IPPK: variants seen among roughly 807,000 people sequenced by gnomAD.
IPPK encodes the protein IPK1 homolog.
IPPK carries 22 observed loss-of-function variants against 64.6 expected under a neutral mutation model. That is an observed-to-expected ratio of 0.34 (90% CI 0.24 to 0.49). IPPK has a LOEUF of 0.49. IPPK is among the 20% of genes least tolerant of loss of function. The pLI, the probability that IPPK is intolerant of heterozygous loss-of-function variation, is 0.99. For synonymous variants in IPPK, 262 were observed against 247.2 expected (o/e 1.06, Z -0.56); for missense variants, 532 against 630.7 (o/e 0.84, Z 1.68).
intron 11 of IPPK, 97 bp downstream of exon 11, chr9:92,634,289 G>C (rs1017004287): frequency 1.3e-6 from 1 of 786,042 alleles, no homozygotes; most frequent in South Asian, 1.6e-5. Context: ...TAAACCTCAG[G>C]GGTAGGTAAT....
In IPPK at chr9:92,670,016, G is replaced by A; in HGVS notation, c.-28C>T. On this transcript the variant is annotated 5_prime_UTR_variant, in exon 1 of 13. Transcript: ENST00000287996. ...CCAGGCGCAGCCCTGGCGCCTCGCG[G>A]GCTAGGACTCGGGGACGCGAGCTGG... 3.8e-6 allele frequency: 6 copies of A among 1,563,140 alleles called. No individual in the cohort carries two copies. Among genetic ancestry groups the A allele is most frequent in the Non-Finnish European group, 5.2e-6 (6 of 1,145,634 alleles).
At chr9:92,634,632 G>A (rs879088322) in intron 10 of IPPK, 144 bp from the exon 11 acceptor site, 2 of 638,948 alleles carry the variant, frequency 3.1e-6, no homozygotes, top group Non-Finnish European at 5.6e-6. Context: ...TCTCCCTCAT[G>A]TTAAACATCA....
rs567925685 is a variant in IPPK at position 92,630,390 on chromosome 9, C to G, written c.1170+3996G>C. Among the ~76,000 whole-genome samples, 8 of 152,242 alleles carry G rather than the reference C, an allele frequency of 5.3e-5. 1 individual carries two copies. In the South Asian group the frequency reaches 1.5e-3, roughly 28 times the overall value. On this transcript the variant is annotated intron_variant, in intron 11 of 12. Coordinates refer to ENST00000287996, the MANE Select transcript of IPPK (RefSeq NM_022755.6). ...CCTAAGGCTGGGGGTCATGGGGAGACAATGGGACGATAGCTAAAGGGTACA... is the reference window on the plus strand; with the variant it reads ...CCTAAGGCTGGGGGTCATGGGGAGAGAATGGGACGATAGCTAAAGGGTACA...
At chr9:92,625,148 T>C (rs1851711938) in intron 11 of IPPK, among the ~76,000 whole-genome samples, 1 of 152,208 alleles carries the variant, frequency 6.6e-6, no homozygotes, top group South Asian at 2.1e-4. Flanking sequence ...GGGTTGTATA[T>C]TTTTTTCTGT....
chr9:92,613,200 A>G lies in IPPK; in HGVS notation c.*2632T>C. Reference sequence around the variant, plus strand: ...GAAGATGCTGCGTGGAGGAACATGCAATTTTATTCAATATAAACATTTGCT... The same window carrying G: ...GAAGATGCTGCGTGGAGGAACATGCGATTTTATTCAATATAAACATTTGCT... On this transcript the variant is annotated 3_prime_UTR_variant, in exon 13 of 13. Coordinates refer to ENST00000287996, the MANE Select transcript of IPPK (RefSeq NM_022755.6). 1.2e-6 allele frequency: 2 copies of G among 1,609,020 alleles called. No individual in the cohort carries two copies. Among genetic ancestry groups the G allele is most frequent in the Non-Finnish European group, 1.7e-6 (2 of 1,175,774 alleles).
At chr9:92,645,330 T>C (rs1852130069) in intron 6 of IPPK, among the ~76,000 whole-genome samples, 1 of 151,904 alleles carries the variant, frequency 6.6e-6, no homozygotes, top group African/African-American at 2.4e-5. Context: ...GAGTCAAGGC[T>C]GCAGTGAGTC....
At position 92,635,469 on chromosome 9, in the gene IPPK, A is replaced by G; in HGVS notation, c.917-161T>C. ...TGGACTGGCACTAAGGACAGACGAG[A>G]TGACGCTCCCGCCTCACAGAGCTGC... On this transcript the variant is annotated intron_variant, in intron 9 of 12. Transcript: ENST00000287996. This position sits in a 1 kb window ranked among gnomAD's most constrained non-coding sequence, Gnocchi z 4.4. 1 of 711,792 alleles carries G rather than the reference A, an allele frequency of 1.4e-6. No individual in the cohort carries two copies. Among genetic ancestry groups the G allele is most frequent in the South Asian group, 2.2e-5 (1 of 44,764 alleles). The allele number at this position is 711,792 out of a possible 1,614,324, so 44.1% of individuals were successfully genotyped here.
chr9:92,645,304 A>G (rs1038766044), intron 6 of IPPK, among the ~76,000 whole-genome samples: 1 of 152,168 alleles, frequency 6.6e-6, no homozygotes, highest in Non-Finnish European at 1.5e-5. Context: ...AAGCAGGAAG[A>G]TGGCTTGAGT....
At chr9:92,625,578 G>A (rs331376) in intron 11 of IPPK, among the ~76,000 whole-genome samples, 151,817 of 152,306 alleles carry the variant, frequency 1, 75,666 homozygotes, top group Middle Eastern at 1. Context: ...CTTTTAACGT[G>A]TTGTTGGGCT....
intron 11 of IPPK, among the ~76,000 whole-genome samples, chr9:92,621,706 G>A (rs1287833163): frequency 2.6e-5 from 4 of 151,746 alleles, no homozygotes; most frequent in African/African-American, 4.8e-5. Context: ...TATTAGAGAC[G>A]AGGTCTCGCT....
chr9:92,649,160 C>T (rs1852206826), intron 5 of IPPK, among the ~76,000 whole-genome samples: 1 of 152,218 alleles, frequency 6.6e-6, no homozygotes, highest in Non-Finnish European at 1.5e-5. Context: ...CAACGCGCTT[C>T]CCTCTGGTGA....
intron 1 of IPPK, among the ~76,000 whole-genome samples, chr9:92,663,416 T>C (rs1852527948): frequency 1.3e-5 from 2 of 152,178 alleles, no homozygotes; most frequent in Non-Finnish European, 2.9e-5. Context: ...CACCTAACAA[T>C]GCAGCTCTCA....
At position 92,620,992 on chromosome 9, in the gene IPPK, G is replaced by A. The variant is rs539851647; in HGVS notation, c.1171-1427C>T. 1.8e-4 allele frequency among the ~76,000 whole-genome samples: 27 copies of A among 152,296 alleles called. 1 individual carries two copies. The East Asian group carries it at 5.0e-3, about 28-fold the overall frequency. ...AGAGGCTGGGATGTCCAAGACCAGG[G>A]CGCCAGCAGATCTGCTATCTGGCGA... On this transcript the variant is annotated intron_variant, in intron 11 of 12. Coordinates refer to ENST00000287996, the MANE Select transcript of IPPK (RefSeq NM_022755.6).
rs1337701495 is a variant in IPPK at position 92,614,800 on chromosome 9, G to A, written c.*1032C>T. On this transcript the variant is annotated 3_prime_UTR_variant, in exon 13 of 13. Transcript: ENST00000287996. ...ATTCCCAACGTTTTTCATAGCAGCC[G>A]GGCACACTTTGGTGACCCCAACGAG... The A allele has an allele frequency of 2.6e-5, 4 of 152,540 alleles. No individual in the cohort carries two copies. The highest frequency in any genetic ancestry group is 4.2e-4 in the South Asian group (2 of 4,818). 9.4% of individuals were successfully genotyped at this position (152,540 alleles called of 1,614,324 possible).
chr9:92,642,220 G>A (rs956456810), intron 7 of IPPK, among the ~76,000 whole-genome samples: 5 of 152,264 alleles, frequency 3.3e-5, no homozygotes, highest in African/African-American at 1.2e-4. Context: ...GGCCAGGACC[G>A]GACTCTGGGC....
At chr9:92,634,328 C>G in intron 11 of IPPK, 58 bp downstream of exon 11, 2 of 1,206,016 alleles carry the variant, frequency 1.7e-6, no homozygotes, top group Non-Finnish European at 2.4e-6. Context: ...AACAAAAAAA[C>G]AGATTAGTGC....
chr9:92,613,348 G>C lies in IPPK; in HGVS notation c.*2484C>G. 1 of 570,962 alleles carries C rather than the reference G, an allele frequency of 1.8e-6. No homozygotes were observed. The highest frequency in any genetic ancestry group is 2.1e-5 in the South Asian group (1 of 48,318). 35.4% of individuals were successfully genotyped at this position (570,962 alleles called of 1,614,324 possible). A position where few individuals can be genotyped will look rare whatever the true frequency, so the allele number is the denominator to read the frequency against. On this transcript the variant is annotated 3_prime_UTR_variant, in exon 13 of 13. Transcript: ENST00000287996. ...GTTAAGTATAAAATGCCAAATAAAA[G>C]TGACACGTACAATGTGGTTTATAAA... is the stretch of plus-strand genomic sequence containing the variant.
intron 1 of IPPK, among the ~76,000 whole-genome samples, chr9:92,664,123 A>G (rs912143969): frequency 6.6e-6 from 1 of 152,234 alleles, no homozygotes; most frequent in Non-Finnish European, 1.5e-5. Flanking sequence ...TCTGTCAGTC[A>G]CCAGGGGCAG....
chr9:92,633,219 G>A (rs947487849), intron 11 of IPPK, among the ~76,000 whole-genome samples: 5 of 151,896 alleles, frequency 3.3e-5, no homozygotes, highest in African/African-American at 1.2e-4. Flanking sequence ...GACCATGTTA[G>A]CCAGGATGGT....
Sources: gnomAD v4.1 joint callset for allele counts (sites outside exome capture counted in the v4.1 genomes callset) on GRCh38, gnomAD v4.1.1 for gene constraint, Gnocchi (gnomAD v3.1) non-coding constraint, MANE v1.5 for transcripts, NCBI Gene and HGNC (gene_info 2026-07-23, HGNC 2026-07-21) for gene names.